The following LARP4 variants were observed in gnomAD, a reference collection of about 807,000 sequenced individuals.
The protein encoded by LARP4 is La ribonucleoprotein 4.
A neutral mutation model predicts 92.9 loss-of-function variants in LARP4; 29 were observed. That is an observed-to-expected ratio of 0.31 (90% CI 0.23 to 0.43). The LOEUF (loss-of-function observed/expected upper bound fraction) is 0.43. Among genes scored for constraint, LARP4 ranks in the 20% least tolerant of loss-of-function variants. The pLI, the probability that LARP4 is intolerant of heterozygous loss-of-function variation, is 1.00. For missense variants in LARP4, 732 were observed against 860.0 expected, an observed-to-expected ratio of 0.85 and a Z score of 1.86; for synonymous variants, 279 against 284.1, an observed-to-expected ratio of 0.98 and a Z score of 0.18.
intron 1 of LARP4, among the ~76,000 whole-genome samples, chr12:50,405,975 T>C (rs574734067): frequency 2.0e-5 from 3 of 152,180 alleles, no homozygotes; most frequent in Non-Finnish European, 2.9e-5. Flanking sequence ...TATAGAGTGA[T>C]AAGAAAAAAG....
At chr12:50,462,267 G>A (rs2138709310) in intron 11 of LARP4, among the ~76,000 whole-genome samples, 1 of 152,174 alleles carries the variant, frequency 6.6e-6, no homozygotes, top group East Asian at 1.9e-4. Flanking sequence ...GGATCATGAG[G>A]TCAGGAGATC....
chr12:50,414,137 A>G (rs1002407831), intron 1 of LARP4, among the ~76,000 whole-genome samples: 3 of 152,228 alleles, frequency 2.0e-5, no homozygotes, highest in African/African-American at 7.2e-5. Context: ...TTATCAAAAT[A>G]GTATTGAATC....
chr12:50,475,473 T>C lies in LARP4; in HGVS notation c.1837-53T>C, dbSNP rs569073588. 26 of 1,402,542 alleles carry C rather than the reference T, an allele frequency of 1.9e-5. No individual in the cohort carries two copies. The African/African-American group carries it at 2.7e-4, about 15-fold the overall frequency. 86.9% of individuals were successfully genotyped at this position (1,402,542 alleles called of 1,614,324 possible). On this transcript the variant is annotated intron_variant, in intron 15 of 15. Coordinates refer to ENST00000398473, the MANE Select transcript of LARP4 (RefSeq NM_052879.5). ...GGTTAACACAATCATTTTTATACTT[T>C]ATAATTTAAAGAATGTGTACCATAA... is the stretch of plus-strand genomic sequence containing the variant.
intron 12 of LARP4, among the ~76,000 whole-genome samples, chr12:50,465,407 G>A (rs112357002): frequency 1.1e-4 from 17 of 151,976 alleles, no homozygotes; most frequent in African/African-American, 4.1e-4. Flanking sequence ...TAGATTTGGG[G>A]TTTATTCAAT....
In LARP4 at chr12:50,462,464, G is replaced by T. The variant is rs567758064; in HGVS notation, c.1335-118G>T. 258 of 638,808 alleles carry T rather than the reference G, an allele frequency of 4.0e-4. 3 individuals are homozygous for T. The South Asian group carries it at 4.3e-3, about 11-fold the overall frequency. 39.6% of individuals were successfully genotyped at this position (638,808 alleles called of 1,614,324 possible). A position where few individuals can be genotyped will look rare whatever the true frequency, so the allele number is the denominator to read the frequency against. The stretch of plus-strand genomic sequence containing the variant: ...CTGCACTCCAGCCTGGCGACAGAGC[G>T]AGACTCCATCTCAAAAAAAAAAAAA... On this transcript the variant is annotated intron_variant, in intron 11 of 15. Transcript: ENST00000398473.
intron 12 of LARP4, among the ~76,000 whole-genome samples, chr12:50,465,388 AAG>A (rs1316131072): frequency 6.6e-6 from 1 of 151,076 alleles, no homozygotes; most frequent in African/African-American, 2.4e-5. Context: ...AAAAAAAAAA[AAG>A]AGAGATTAGA....
At chr12:50,465,154 C>T (rs999590115) in intron 12 of LARP4, among the ~76,000 whole-genome samples, 1 of 151,864 alleles carries the variant, frequency 6.6e-6, no homozygotes, top group African/African-American at 2.4e-5. Context: ...GGTGCATTGC[C>T]TGAGGGTAGG....
chr12:50,401,558 C>A (rs1008419095), intron 1 of LARP4, among the ~76,000 whole-genome samples: 3 of 152,190 alleles, frequency 2.0e-5, no homozygotes, highest in Admixed American at 6.5e-5. Context: ...GTCCCTAGGT[C>A]TCTGGAACGT....
At chr12:50,463,349 T>C (rs1183021987) in intron 12 of LARP4, among the ~76,000 whole-genome samples, 1 of 140,532 alleles carries the variant, frequency 7.1e-6, no homozygotes, top group Non-Finnish European at 1.5e-5. Flanking sequence ...TTTGTGAGGC[T>C]GAGATGTACG....
At chr12:50,416,812 A>T (rs1395491702) in intron 1 of LARP4, among the ~76,000 whole-genome samples, 1 of 151,934 alleles carries the variant, frequency 6.6e-6, no homozygotes, top group East Asian at 1.9e-4. Context: ...TCCTGTCTCT[A>T]CAAAAAGTGC....
chr12:50,442,084 A>T (rs1336002504), intron 8 of LARP4, among the ~76,000 whole-genome samples: 1 of 152,170 alleles, frequency 6.6e-6, no homozygotes, highest in East Asian at 1.9e-4. Flanking sequence ...GGCTTGTATT[A>T]TGTGCTACTT....
intron 1 of LARP4, among the ~76,000 whole-genome samples, chr12:50,417,725 C>T (rs950833896): frequency 6.6e-6 from 1 of 152,198 alleles, no homozygotes; most frequent in Non-Finnish European, 1.5e-5. Context: ...GATGGAGTCT[C>T]ACTCTGTTAC....
chr12:50,423,302 A>G (rs1057231746), intron 1 of LARP4, among the ~76,000 whole-genome samples: 42 of 152,258 alleles, frequency 2.8e-4, no homozygotes, highest in African/African-American at 9.9e-4. Context: ...CTTCAAAGCT[A>G]ATTTTCTATG....
Position 50,440,511 on chromosome 12 carries a change from T to C in LARP4, c.712T>C (p.Trp238Arg), listed in dbSNP as rs1328467123. ...CTGTGAGTTTGCACACAATAGCAACTGGTATATCACTTTCCAGTCAGACAC... is the reference window on the plus strand; with the variant it reads ...CTGTGAGTTTGCACACAATAGCAACCGGTATATCACTTTCCAGTCAGACAC... Reference protein sequence around the residue: ...ISCEFAHNSNWYITFQSDTDA... With the variant: ...ISCEFAHNSNRYITFQSDTDA... Residue 238 changes from tryptophan to arginine, a missense_variant, in exon 7 of 16, where the codon TGG becomes CGG. Physicochemically the swap from Trp to Arg is moderately radical, Grantham distance 101. Around this residue, in one of 7 missense-constraint regions of LARP4, gnomAD observed 236 missense variants for 307.6 expected, o/e 0.77. Transcript: ENST00000398473. The C allele has an allele frequency of 6.2e-7, 1 of 1,613,676 alleles. No homozygotes were observed.
At chr12:50,456,646 T>A (rs2138435951) in intron 10 of LARP4, among the ~76,000 whole-genome samples, 1 of 152,304 alleles carries the variant, frequency 6.6e-6, no homozygotes, top group Middle Eastern at 3.4e-3. Flanking sequence ...TTTTCTACCT[T>A]TCATACTATC....
rs1178580080 is a variant in LARP4 at position 50,477,633 on chromosome 12, A to T, written c.*1769A>T. 3.9e-5 allele frequency: 6 copies of T among 152,502 alleles called. No homozygotes were observed. The highest frequency in any genetic ancestry group is 3.9e-4 in the Admixed American group (6 of 15,266). 9.4% of individuals were successfully genotyped at this position (152,502 alleles called of 1,614,324 possible). On this transcript the variant is annotated 3_prime_UTR_variant, in exon 16 of 16. Coordinates refer to ENST00000398473, the MANE Select transcript of LARP4 (RefSeq NM_052879.5). ...ACTGCACATATCTGTACAAGCCAGA[A>T]TTACTATTTCTTTGACTTATTATTA... is the stretch of plus-strand genomic sequence containing the variant.
At chr12:50,458,608 A>G (rs559333908) in intron 10 of LARP4, among the ~76,000 whole-genome samples, 7 of 152,242 alleles carry the variant, frequency 4.6e-5, no homozygotes, top group African/African-American at 1.2e-4. Context: ...GTTTATAACT[A>G]TGAAAATAGA....
chr12:50,427,831 A>G lies in LARP4; in HGVS notation c.88A>G (p.Thr30Ala). 1 of 1,603,906 alleles carries G rather than the reference A, an allele frequency of 6.2e-7. No individual in the cohort carries two copies. The highest frequency in any genetic ancestry group is 8.5e-7 in the Non-Finnish European group (1 of 1,173,038). Residue 30 changes from threonine to alanine, a missense_variant, in exon 2 of 16, where the codon ACT becomes GCT. By Grantham distance (58) the Thr-to-Ala change is moderately conservative. Coordinates refer to ENST00000398473, the MANE Select transcript of LARP4 (RefSeq NM_052879.5). ...ATGGCAAGAAATTGCTCCTGGAAAT[A>G]CTGATGCCACCCCAGTAACTCATGG... ...KVWQEIAPGNTDATPVTHGTE... is the reference protein window; with the variant it reads ...KVWQEIAPGNADATPVTHGTE...
intron 3 of LARP4, 88 bp from the exon 4 acceptor site, chr12:50,430,407 T>G (rs764634823): frequency 5.9e-6 from 4 of 675,012 alleles, no homozygotes; most frequent in South Asian, 3.8e-5. Context: ...GTAGATACTT[T>G]GTGGCTTCTG....
Sources: gnomAD v4.1 joint callset for allele counts (sites outside exome capture counted in the v4.1 genomes callset) on GRCh38, gnomAD v4.1.1 for gene constraint, gnomAD v4.1.1 regional missense constraint, MANE v1.5 for transcripts, NCBI Gene and HGNC (gene_info 2026-07-23, HGNC 2026-07-21) for gene names.